NCKAP1: variants seen among roughly 807,000 people sequenced by gnomAD.
The protein encoded by NCKAP1 is NCK associated protein 1, also known as nck-associated protein 1.
Under a neutral mutation model 151.2 loss-of-function variants are expected in NCKAP1, and 21 were observed. The ratio of observed to expected loss-of-function variants is 0.14; its 90% CI spans 0.10 to 0.20. NCKAP1 has a LOEUF of 0.20. Among genes scored for constraint, NCKAP1 ranks in the 10% least tolerant of loss-of-function variants. NCKAP1 has a pLI of 1.00. For missense variants in NCKAP1, 933 were observed against 1,352.1 expected (o/e 0.69, Z 4.86); for synonymous variants, 484 against 451.8 (o/e 1.07, Z -0.90).
chr2:183,021,670 C>T (rs1038606893), intron 2 of NCKAP1, among the ~76,000 whole-genome samples: 2 of 152,042 alleles, frequency 1.3e-5, no homozygotes, highest in African/African-American at 4.8e-5. Flanking sequence ...GAAAATATTA[C>T]GTTAAATGAC....
In NCKAP1 at chr2:182,918,340, T is replaced by C. The variant is rs1696497069; in HGVS notation, c.*7362A>G. 1 of 152,166 alleles carries C rather than the reference T, an allele frequency of 6.6e-6. No homozygotes were observed. Among genetic ancestry groups the C allele is most frequent in the African/African-American group, 2.4e-5 (1 of 41,428 alleles). 9.4% of individuals were successfully genotyped at this position (152,166 alleles called of 1,614,324 possible). A position where few individuals can be genotyped will look rare whatever the true frequency, so the allele number is the denominator to read the frequency against. On this transcript the variant is annotated 3_prime_UTR_variant, in exon 31 of 31. Coordinates refer to ENST00000361354, the MANE Select transcript of NCKAP1 (RefSeq NM_013436.5). ...TTGATCCAGCAATCCTACTACTGGGTATCTACCCAAAGGAAGTCAATATAT... is the reference window on the plus strand; with the variant it reads ...TTGATCCAGCAATCCTACTACTGGGCATCTACCCAAAGGAAGTCAATATAT...
chr2:183,024,945 G>C, intron 1 of NCKAP1: 1 of 1,610,976 alleles, frequency 6.2e-7, no homozygotes, highest in Non-Finnish European at 8.5e-7. Context: ...AAGCGGGCAA[G>C]CGGGCAGAGG....
chr2:182,937,275 A>G (rs1329699786), intron 24 of NCKAP1, among the ~76,000 whole-genome samples: 1 of 152,168 alleles, frequency 6.6e-6, no homozygotes, highest in African/African-American at 2.4e-5. Context: ...TGTGTACAAT[A>G]ATGACACATT....
At chr2:182,956,666 T>C (rs778753846) in intron 19 of NCKAP1, 73 bp from the exon 20 acceptor site, 60 of 1,423,008 alleles carry the variant, frequency 4.2e-5, no homozygotes, top group Non-Finnish European at 5.5e-5. Flanking sequence ...TTTATAAATA[T>C]ATCAACCTTA....
chr2:182,957,566 T>C lies in NCKAP1; in HGVS notation c.1912A>G (p.Ser638Gly), dbSNP rs1697351257. ...TTTGATTTCTTATTCACTGCTTGACTGATAGTTTTGGCACAATGCTTGGGT... is the reference window on the plus strand; with the variant it reads ...TTTGATTTCTTATTCACTGCTTGACCGATAGTTTTGGCACAATGCTTGGGT... ...LLPKHCAKTI[S>G]QAVNKKSKKQ... Residue 638 changes from serine (S) to glycine (G), a missense_variant, in exon 19 of 31, where the codon AGT (serine) becomes GGT (glycine). By Grantham distance (56) the Ser-to-Gly change is moderately conservative (BLOSUM62 0). Coordinates refer to ENST00000361354, the MANE Select transcript of NCKAP1 (RefSeq NM_013436.5). The C allele has an allele frequency of 6.2e-7, 1 of 1,613,192 alleles. No individual in the cohort carries two copies. The highest frequency in any genetic ancestry group is 8.5e-7 in the Non-Finnish European group (1 of 1,179,696).
chr2:182,936,212 C>T (rs964542260), intron 24 of NCKAP1, among the ~76,000 whole-genome samples: 1 of 151,988 alleles, frequency 6.6e-6, no homozygotes, highest in African/African-American at 2.4e-5. Flanking sequence ...GATCATGCCA[C>T]TGCACATCAG....
intron 1 of NCKAP1, chr2:183,024,863 G>T: frequency 1.7e-6 from 2 of 1,203,504 alleles, no homozygotes; most frequent in Non-Finnish European, 1.2e-6. Flanking sequence ...CAATTTTATA[G>T]TTTTCCATTG....
intron 18 of NCKAP1, among the ~76,000 whole-genome samples, chr2:182,958,642 T>TA: frequency 6.6e-6 from 1 of 152,304 alleles, no homozygotes; most frequent in East Asian, 1.9e-4. Flanking sequence ...TTCAGTAACT[T>TA]AGATGTGTGA....
chr2:183,020,766 A>G (rs1375726205), intron 2 of NCKAP1, among the ~76,000 whole-genome samples: 1 of 152,194 alleles, frequency 6.6e-6, no homozygotes, highest in African/African-American at 2.4e-5. Context: ...CCCAGACGCT[A>G]CTATCTTTTC....
chr2:183,025,638 T>C (rs145032236), intron 1 of NCKAP1, among the ~76,000 whole-genome samples: 63 of 152,242 alleles, frequency 4.1e-4, no homozygotes, highest in African/African-American at 1.4e-3. Flanking sequence ...ATCATAAATA[T>C]TAAAATATAT....
At position 182,917,982 on chromosome 2, in the gene NCKAP1, G is replaced by GT. The variant is rs944614656; in HGVS notation, c.*7719dup. On this transcript the variant is annotated 3_prime_UTR_variant, in exon 31 of 31. Coordinates refer to ENST00000361354, the MANE Select transcript of NCKAP1 (RefSeq NM_013436.5). ...GCCCACAGTCATTTACCCAGGAAAT[G>GT]TTTTTTAGTGCTTTGGGAAAGAACA... is the stretch of plus-strand genomic sequence containing the variant. 4 of 152,036 alleles carry GT rather than the reference G, an allele frequency of 2.6e-5. No individual in the cohort carries two copies. The highest frequency in any genetic ancestry group is 2.6e-4 in the Admixed American group (4 of 15,250). The allele number at this position is 152,036 out of a possible 1,614,324, so 9.4% of individuals were successfully genotyped here.
At chr2:183,032,992 T>G (rs917629676) in intron 1 of NCKAP1, among the ~76,000 whole-genome samples, 1 of 152,202 alleles carries the variant, frequency 6.6e-6, no homozygotes, top group Non-Finnish European at 1.5e-5. Context: ...GAGGCTGCAG[T>G]GAGCTGAGAT....
intron 2 of NCKAP1, among the ~76,000 whole-genome samples, chr2:183,023,356 G>GA (rs1333314057): frequency 1.3e-5 from 2 of 152,026 alleles, no homozygotes; most frequent in African/African-American, 4.8e-5. Context: ...TTAATCTTTA[G>GA]AAATCATTGT....
At chr2:182,996,194 G>C (rs528082667) in intron 6 of NCKAP1, among the ~76,000 whole-genome samples, 20 of 152,312 alleles carry the variant, frequency 1.3e-4, no homozygotes, top group Admixed American at 1.2e-3. Flanking sequence ...GATAGTTTCT[G>C]ATAGTTCCAA....
rs1238896231 is a variant in NCKAP1 at position 182,912,209 on chromosome 2, A to G, written c.*13493T>C. 1 of 152,230 alleles carries G rather than the reference A, an allele frequency of 6.6e-6. No homozygotes were observed. The highest frequency in any genetic ancestry group is 1.9e-4 in the East Asian group (1 of 5,200). The allele number at this position is 152,230 out of a possible 1,614,324, so 9.4% of individuals were successfully genotyped here. A position where few individuals can be genotyped will look rare whatever the true frequency, so the allele number is the denominator to read the frequency against. ...AAAATTTAGGGAGCTTTTTGATATG[A>G]GAAAAATATGCTTTTGCCTTTAAGG... On this transcript the variant is annotated 3_prime_UTR_variant, in exon 31 of 31. Coordinates refer to ENST00000361354, the MANE Select transcript of NCKAP1 (RefSeq NM_013436.5).
chr2:182,973,065 T>C (rs963618005), intron 15 of NCKAP1, among the ~76,000 whole-genome samples: 4 of 152,132 alleles, frequency 2.6e-5, no homozygotes, highest in Admixed American at 6.5e-5. Flanking sequence ...TATGATGATA[T>C]GTGTTTGAGG....
At chr2:182,948,169 G>C (rs937117668) in intron 23 of NCKAP1, among the ~76,000 whole-genome samples, 1 of 151,654 alleles carries the variant, frequency 6.6e-6, no homozygotes, top group Non-Finnish European at 1.5e-5. Context: ...AAATAAGTCA[G>C]GATTTAGTAT....
intron 1 of NCKAP1, among the ~76,000 whole-genome samples, chr2:183,025,298 A>C (rs1298503669): frequency 6.6e-6 from 1 of 152,204 alleles, no homozygotes. Context: ...TAAAGACTAC[A>C]TGCAGCTATA....
intron 15 of NCKAP1, among the ~76,000 whole-genome samples, chr2:182,976,300 C>T (rs1697822225): frequency 6.6e-6 from 1 of 152,126 alleles, no homozygotes; most frequent in South Asian, 2.1e-4. Flanking sequence ...AATGAACACT[C>T]TAAGTCTAAT....
Sources: allele counts gnomAD v4.1 joint callset (sites outside exome capture counted in the v4.1 genomes callset), GRCh38; gene constraint gnomAD v4.1.1; transcripts MANE v1.5; gene names NCBI Gene and HGNC (gene_info 2026-07-23, HGNC 2026-07-21).